The following GFRA1 variants were observed in gnomAD, a reference collection of about 807,000 sequenced individuals.
GFRA1 encodes GDNF family receptor alpha 1.
A neutral mutation model predicts 51.6 loss-of-function variants in GFRA1; 16 were observed. The observed-to-expected ratio is 0.31, with a 90% CI of 0.21 to 0.47. The LOEUF (loss-of-function observed/expected upper bound fraction) is 0.47. GFRA1 is among the 20% of genes least tolerant of loss of function. The pLI, the probability that GFRA1 is intolerant of heterozygous loss-of-function variation, is 1.00. For missense variants in GFRA1, 530 were observed against 594.3 expected (o/e 0.89, Z 1.13); for synonymous variants, 270 against 241.3 (o/e 1.12, Z -1.10).
intron 6 of GFRA1, among the ~76,000 whole-genome samples, chr10:116,106,003 A>C (rs925670209): frequency 6.6e-6 from 1 of 152,156 alleles, no homozygotes; most frequent in Non-Finnish European, 1.5e-5. Flanking sequence ...GACCAATAGA[A>C]TCACAGGAGT....
intron 10 of GFRA1, among the ~76,000 whole-genome samples, chr10:116,065,040 A>T (rs1440196570): frequency 6.6e-6 from 1 of 152,140 alleles, no homozygotes; most frequent in African/African-American, 2.4e-5. Context: ...CAGCCAGCAC[A>T]GCTGTCCTTC....
At chr10:116,274,138 G>A (rs1267000110), upstream of GFRA1, among the ~76,000 whole-genome samples, 1 of 151,826 alleles carries the variant, frequency 6.6e-6, no homozygotes, top group Non-Finnish European at 1.5e-5. Flanking sequence ...CCCTGGGACC[G>A]CTGGTTCCCA....
At chr10:116,085,311 G>A (rs762351595) in intron 9 of GFRA1, among the ~76,000 whole-genome samples, 14 of 152,162 alleles carry the variant, frequency 9.2e-5, no homozygotes, top group Non-Finnish European at 1.3e-4. Context: ...TGAAACTCAA[G>A]TCCCCAAGAG....
chr10:116,148,056 A>ATGTGTGTGCATGCATG (rs1555158852), intron 5 of GFRA1, among the ~76,000 whole-genome samples: 2 of 136,536 alleles, frequency 1.5e-5, no homozygotes, highest in Admixed American at 7.3e-5. Flanking sequence ...GTGTGCATGC[A>ATGTGTGTGCATGCATG]TGTGTGCATG....
rs372890018 is a variant in GFRA1, at chr10:116,063,916, G to A, written c.*482C>T. The A allele has an allele frequency of 5.9e-6, 1 of 169,964 alleles. No individual in the cohort carries two copies. Among genetic ancestry groups the A allele is most frequent in the Non-Finnish European group, 1.3e-5 (1 of 78,498 alleles). 10.5% of individuals were successfully genotyped at this position (169,964 alleles called of 1,614,324 possible). On this transcript the variant is annotated 3_prime_UTR_variant, in exon 11 of 11. Transcript: ENST00000355422. ...ATCTTCTTTGTGGCAAAAAAGCTTG[G>A]CATCAATGTAGGCTGAAATTTATAT...
intron 6 of GFRA1, among the ~76,000 whole-genome samples, chr10:116,100,896 T>G (rs944522869): frequency 9.9e-5 from 15 of 152,028 alleles, no homozygotes; most frequent in African/African-American, 3.6e-4. Context: ...AACTTCGGAC[T>G]GGAGGGGTGA....
intron 5 of GFRA1, among the ~76,000 whole-genome samples, chr10:116,162,135 C>T (rs1364624815): frequency 6.6e-6 from 1 of 152,194 alleles, no homozygotes; most frequent in East Asian, 1.9e-4. Flanking sequence ...TATCATGTTT[C>T]ATCAGCTCTC....
intron 4 of GFRA1, among the ~76,000 whole-genome samples, chr10:116,267,673 G>A (rs1969770821): frequency 6.6e-6 from 1 of 152,032 alleles, no homozygotes; most frequent in Admixed American, 6.6e-5. Context: ...TGAAGGTCAG[G>A]TTTGCCTCTG....
At chr10:116,237,148 T>A (rs1038640983) in intron 4 of GFRA1, among the ~76,000 whole-genome samples, 1 of 152,250 alleles carries the variant, frequency 6.6e-6, no homozygotes, top group African/African-American at 2.4e-5. Flanking sequence ...AGTTTCTTTG[T>A]GTATACATAA....
intron 5 of GFRA1, among the ~76,000 whole-genome samples, chr10:116,207,570 CTT>C (rs35587143): frequency 6.6e-6 from 1 of 152,072 alleles, no homozygotes; most frequent in Non-Finnish European, 1.5e-5. Flanking sequence ...AATTTGGTGT[CTT>C]TCCTCTGCAT....
chr10:116,177,762 C>A (rs1410148703), intron 5 of GFRA1, among the ~76,000 whole-genome samples: 2 of 152,164 alleles, frequency 1.3e-5, no homozygotes, highest in African/African-American at 4.8e-5. Flanking sequence ...CAACAACTTG[C>A]CCACTCCCTG....
intron 9 of GFRA1, among the ~76,000 whole-genome samples, chr10:116,076,135 C>T (rs1054618267): frequency 2.0e-5 from 3 of 152,122 alleles, no homozygotes; most frequent in African/African-American, 7.2e-5. Context: ...TCACTAAGTG[C>T]TGTCCACTAC....
At chr10:116,268,143 G>A (rs376248757) in intron 4 of GFRA1, among the ~76,000 whole-genome samples, 6 of 152,204 alleles carry the variant, frequency 3.9e-5, no homozygotes, top group South Asian at 4.2e-4. Flanking sequence ...CAATGATGCC[G>A]GTATAAGAAC....
chr10:116,093,673 C>T (rs750629936), intron 8 of GFRA1, 29 bp downstream of exon 8: 1 of 1,607,632 alleles, frequency 6.2e-7, no homozygotes, highest in South Asian at 1.1e-5. Flanking sequence ...TGCGTTTGCT[C>T]CTTTGTTTCT....
intron 9 of GFRA1, 84 bp from the exon 10 acceptor site, chr10:116,065,710 A>G (rs755867833): frequency 4.0e-6 from 4 of 1,002,694 alleles, no homozygotes; most frequent in Non-Finnish European, 6.2e-6. Flanking sequence ...GTCTAGGGCA[A>G]TGCTCTCTGA....
chr10:116,246,164 G>A (rs989129081), intron 4 of GFRA1, among the ~76,000 whole-genome samples: 4 of 152,176 alleles, frequency 2.6e-5, no homozygotes, highest in African/African-American at 9.7e-5. Flanking sequence ...GAGGAACTGG[G>A]CATGTTGGTT....
At chr10:116,237,185 C>A (rs1343174461) in intron 4 of GFRA1, among the ~76,000 whole-genome samples, 1 of 152,150 alleles carries the variant, frequency 6.6e-6, no homozygotes, top group African/African-American at 2.4e-5. Flanking sequence ...CAAAAGGTAG[C>A]AAGCTATACA....
intron 4 of GFRA1, among the ~76,000 whole-genome samples, chr10:116,214,173 G>GGAGGA (rs1379202609): frequency 2.0e-5 from 3 of 152,148 alleles, no homozygotes; most frequent in Non-Finnish European, 4.4e-5. Flanking sequence ...CGGCACACCT[G>GGAGGA]GAGGAGCCCT....
At chr10:116,151,037 A>G (rs1309479285) in intron 5 of GFRA1, among the ~76,000 whole-genome samples, 3 of 152,142 alleles carry the variant, frequency 2.0e-5, no homozygotes, top group African/African-American at 7.2e-5. Context: ...AAAAGGGTTA[A>G]AGAACATCCC....
Sources: gnomAD v4.1 joint callset for allele counts (sites outside exome capture counted in the v4.1 genomes callset) on GRCh38, gnomAD v4.1.1 for gene constraint, MANE v1.5 for transcripts, NCBI Gene and HGNC (gene_info 2026-07-23, HGNC 2026-07-21) for gene names.